Variants in SMARCA2 observed in about 807,000 individuals in gnomAD.
SMARCA2 encodes SWI/SNF-related matrix-associated actin-dependent regulator of chromatin subfamily A member 2.
SMARCA2 carries 61 observed loss-of-function variants against 199.8 expected under a neutral mutation model. The ratio of observed to expected loss-of-function variants is 0.31; its 90% CI spans 0.25 to 0.38. SMARCA2 has a LOEUF of 0.38. Ranked by LOEUF, SMARCA2 falls within the 10% of genes least tolerant of loss-of-function variation. SMARCA2 has a pLI of 1.00. For missense variants in SMARCA2, 1,344 were observed against 2,012.2 expected (o/e 0.67, Z 6.35); for synonymous variants, 935 against 732.0 (o/e 1.28, Z -4.48).
intron 29 of SMARCA2, among the ~76,000 whole-genome samples, chr9:2,181,018 A>G (rs1053354755): frequency 6.6e-6 from 1 of 152,050 alleles, no homozygotes; most frequent in Non-Finnish European, 1.5e-5. Flanking sequence ...AGTATGTAAA[A>G]TACCCTAAAG....
At chr9:2,185,550 G>A (rs935650666) in intron 31 of SMARCA2, among the ~76,000 whole-genome samples, 2 of 152,164 alleles carry the variant, frequency 1.3e-5, no homozygotes, top group African/African-American at 4.8e-5. Flanking sequence ...GGATCATATA[G>A]TAGTTCTATT....
rs747368303 is a variant in SMARCA2, at chr9:2,191,349, C to T, written c.4678C>T (p.Arg1560Ter). The T allele has an allele frequency of 1.9e-6, 3 of 1,614,142 alleles. No individual in the cohort carries two copies. The highest frequency in any genetic ancestry group is 1.7e-6 in the Non-Finnish European group (2 of 1,180,004). ...AGGGAAAGGCAAGAAAAGGCCAAAT[C>T]GAGGAAAAGCCAAACCTGTAGTGAG... ...DKGKGKKRPN[R>*]GKAKPVVSDF... The change falls in exon 33 of 34, where the codon CGA (arginine) becomes TGA (stop). Residue 1560 changes from arginine to a stop codon, truncating the protein, a stop_gained. Transcript: ENST00000349721. LOFTEE classifies it high-confidence loss of function.
At chr9:2,149,469 A>AGTT (rs1824942669) in intron 27 of SMARCA2, among the ~76,000 whole-genome samples, 1 of 151,536 alleles carries the variant, frequency 6.6e-6, no homozygotes, top group Admixed American at 6.6e-5. Flanking sequence ...GCAGTGAGCC[A>AGTT]CGAACATGCC....
intron 2 of SMARCA2, among the ~76,000 whole-genome samples, chr9:2,030,527 C>G (rs1245939089): frequency 6.7e-6 from 1 of 150,286 alleles, no homozygotes; most frequent in Non-Finnish European, 1.5e-5. Context: ...GAGAAAGCTT[C>G]TCCTTTCCTC....
intron 1 of SMARCA2, among the ~76,000 whole-genome samples, chr9:2,018,550 G>A (rs563249756): frequency 6.6e-6 from 1 of 152,218 alleles, no homozygotes; most frequent in Non-Finnish European, 1.5e-5. Context: ...ACTGCACTGA[G>A]CGGTTATTTT....
Position 2,157,349 on chromosome 9 carries a change from G to T in SMARCA2, c.3982-4337G>T, listed in dbSNP as rs573568350. On this transcript the variant is annotated intron_variant, in intron 27 of 33. Coordinates refer to ENST00000349721, the MANE Select transcript of SMARCA2 (RefSeq NM_003070.5). ...GTGATGTGTGAGCTGTCCCCAGAAAGCACCAGTATAATGTAGTGGTCTTAA... is the reference window on the plus strand; with the variant it reads ...GTGATGTGTGAGCTGTCCCCAGAAATCACCAGTATAATGTAGTGGTCTTAA... 1.8e-4 allele frequency among the ~76,000 whole-genome samples: 27 copies of T among 152,244 alleles called. No homozygotes were observed. The South Asian group carries it at 5.6e-3, about 32-fold the overall frequency.
chr9:2,019,743 T>C lies in SMARCA2; in HGVS notation c.-37+4339T>C, dbSNP rs183137438. Among the ~76,000 whole-genome samples, 1,058 of 152,242 alleles carry C rather than the reference T, an allele frequency of 6.9e-3. 6 individuals are homozygous for C. Among genetic ancestry groups the C allele is most frequent in the Non-Finnish European group, 0.011 (737 of 68,018 alleles). On this transcript the variant is annotated intron_variant, in intron 1 of 33. Transcript: ENST00000349721. The stretch of plus-strand genomic sequence containing the variant: ...TGTAATATTTTGACATTTATTATTA[T>C]GTATTACAGCAAGAGCATAAAAAGA...
rs754525705 is a variant in SMARCA2 at position 2,060,967 on chromosome 9, AGAG to A, written c.1685_1687del (p.Arg562del). On this transcript the variant is annotated inframe_deletion, in exon 9 of 34. Coordinates refer to ENST00000349721, the MANE Select transcript of SMARCA2 (RefSeq NM_003070.5). Reference sequence around the variant, plus strand: ...GCCCAGGCAGCCAAAGAGAAGAAGAAGAGGAGGAGGAGGAAGAAGGTGCGTATC... The same window carrying A: ...GCCCAGGCAGCCAAAGAGAAGAAGAAGAGGAGGAGGAAGAAGGTGCGTATC... 7 of 1,613,762 alleles carry A rather than the reference AGAG, an allele frequency of 4.3e-6. No individual in the cohort carries two copies. Among genetic ancestry groups the A allele is most frequent in the East Asian group, 2.2e-5 (1 of 44,882 alleles).
rs535341290 is a variant in SMARCA2, at chr9:2,086,807, C to T, written c.2527-22C>T. On this transcript the variant is annotated intron_variant, in intron 17 of 33. Transcript: ENST00000349721. The surrounding 1 kb of genome is among the most constrained non-coding windows in gnomAD (Gnocchi z 4.3). ...TATTTTCCCTTGCTTACTACACGTC[C>T]GTCCTTCCTCTTGTGTTATAGATTC... 79 of 1,613,482 alleles carry T rather than the reference C, an allele frequency of 4.9e-5. No homozygotes were observed. The highest frequency in any genetic ancestry group is 8.9e-5 in the East Asian group (4 of 44,874).
intron 32 of SMARCA2, among the ~76,000 whole-genome samples, chr9:2,190,644 T>C (rs77916025): frequency 1.8e-3 from 274 of 148,478 alleles, no homozygotes; most frequent in African/African-American, 6.4e-3. Context: ...CACACACACA[T>C]ACACACAGAG....
Position 2,191,112 on chromosome 9 carries a change from CTAGACAGAACCACACAG to C in SMARCA2, c.4595-153_4595-137del, listed in dbSNP as rs1389522096. ...GTTGGCAAGTGAAAGGGGTCGCTGA[CTAGACAGAACCACACAG>C]AACAGGCATAAACCGGGAATGTTCT... On this transcript the variant is annotated intron_variant, in intron 32 of 33. Transcript: ENST00000349721. Among the ~76,000 whole-genome samples the C allele has an allele frequency of 3.9e-5, 6 of 152,278 alleles. No homozygotes were observed. In the East Asian group the frequency reaches 1.2e-3, roughly 29 times the overall value.
At chr9:2,150,865 G>A (rs1415881534) in intron 27 of SMARCA2, among the ~76,000 whole-genome samples, 1 of 151,406 alleles carries the variant, frequency 6.6e-6, no homozygotes, top group Non-Finnish European at 1.5e-5. Context: ...TATGTATGCG[G>A]GGTTGTTCCT....
chr9:2,182,685 G>C (rs1003591667), intron 31 of SMARCA2, among the ~76,000 whole-genome samples: 3 of 151,988 alleles, frequency 2.0e-5, no homozygotes, highest in African/African-American at 7.3e-5. Flanking sequence ...AGTACAGATG[G>C]AGTTTCACCA....
chr9:2,121,028 C>T lies in SMARCA2; in HGVS notation c.3762+1493C>T, dbSNP rs1052752942. On this transcript the variant is annotated intron_variant, in intron 26 of 33. Coordinates refer to ENST00000349721, the MANE Select transcript of SMARCA2 (RefSeq NM_003070.5). ...CTGGGGAACACCCAAGCAAGAGACC[C>T]TCAGCTGATCACTGTTAGGCAATAA... is the stretch of plus-strand genomic sequence containing the variant. Among the ~76,000 whole-genome samples, 6 of 152,172 alleles carry T rather than the reference C, an allele frequency of 3.9e-5. No homozygotes were observed. The South Asian group carries it at 1.2e-3, about 31-fold the overall frequency.
chr9:2,127,725 G>C (rs1823758925), intron 27 of SMARCA2, among the ~76,000 whole-genome samples: 3 of 152,322 alleles, frequency 2.0e-5, no homozygotes, highest in Middle Eastern at 3.4e-3. Context: ...CAAAATTTTG[G>C]TGAATATTTA....
rs1269353348 is a variant in SMARCA2, at chr9:2,135,907, T to A, written c.3981+11970T>A. Among the ~76,000 whole-genome samples, 6 of 152,086 alleles carry A rather than the reference T, an allele frequency of 3.9e-5. No individual in the cohort carries two copies. The South Asian group carries it at 1.2e-3, about 32-fold the overall frequency. On this transcript the variant is annotated intron_variant, in intron 27 of 33. Transcript: ENST00000349721. ...CCCAGGTTGGAGTGCAATGGTGCAA[T>A]CTTGGCTCATTGCTACCTCCGCCTC...
intron 23 of SMARCA2, among the ~76,000 whole-genome samples, chr9:2,109,235 T>C (rs1319868261): frequency 1.3e-5 from 2 of 152,206 alleles, no homozygotes; most frequent in East Asian, 1.9e-4. Context: ...GAGACTGTCA[T>C]GTAACATGCA....
chr9:2,157,788 C>G (rs897726183), intron 27 of SMARCA2: 4 of 397,392 alleles, frequency 1.0e-5, no homozygotes, highest in Non-Finnish European at 1.8e-5. Flanking sequence ...CTTTGTGATA[C>G]TGTGAACCAC....
chr9:2,067,938 C>A (rs1223591375), intron 9 of SMARCA2, among the ~76,000 whole-genome samples: 1 of 152,150 alleles, frequency 6.6e-6, no homozygotes, highest in African/African-American at 2.4e-5. Context: ...ATGCTTCAAG[C>A]TTTTTAATGT....
Sources: allele counts gnomAD v4.1 joint callset (sites outside exome capture counted in the v4.1 genomes callset), GRCh38; gene constraint gnomAD v4.1.1; non-coding constraint Gnocchi (gnomAD v3.1); transcripts MANE v1.5; gene names NCBI Gene and HGNC (gene_info 2026-07-23, HGNC 2026-07-21).